ZFHX3: variants seen among roughly 807,000 people sequenced by gnomAD.
ZFHX3 encodes zinc finger homeobox 3.
In ZFHX3, 42 loss-of-function variants were observed where a neutral mutation model predicts 279.1. That is an observed-to-expected ratio of 0.15 (90% confidence interval 0.12 to 0.19). ZFHX3 has a LOEUF of 0.19. Ranked by LOEUF, ZFHX3 falls within the 10% of genes least tolerant of loss-of-function variation. The pLI, the probability that ZFHX3 is intolerant of heterozygous loss-of-function variation, is 1.00. For synonymous variants in ZFHX3, 2,293 were observed against 1,957.8 expected, an observed-to-expected ratio of 1.17 and a Z score of -4.52; for missense variants, 4,981 against 4,754.0, an observed-to-expected ratio of 1.05 and a Z score of -1.40.
At chr16:72,866,488 T>G (rs2038027514) in intron 4 of ZFHX3, among the ~76,000 whole-genome samples, 1 of 152,192 alleles carries the variant, frequency 6.6e-6, no homozygotes, top group South Asian at 2.1e-4. Flanking sequence ...ATCATTTCTT[T>G]CATTAGATTA....
At position 72,787,458 on chromosome 16, in the gene ZFHX3, G is replaced by C. The variant is rs2035449467; in HGVS notation, c.10818C>G (p.Ser3606=). 1 of 1,605,528 alleles carries C rather than the reference G, an allele frequency of 6.2e-7. No homozygotes were observed. The highest frequency in any genetic ancestry group is 1.1e-5 in the South Asian group (1 of 90,250). Reference sequence around the variant, plus strand: ...TCCTGGAGGCGTGGGGGGAAGCGGAGGAGGGGGCGGCGGCCGACGGGGGAG... The same window carrying C: ...TCCTGGAGGCGTGGGGGGAAGCGGACGAGGGGGCGGCGGCCGACGGGGGAG... ...SPPPPSAAAP[S]SASPHASRKS... The change falls in exon 10 of 10, where the codon TCC becomes TCG. Residue 3606 remains serine (S), a synonymous_variant. Coordinates refer to ENST00000268489, the MANE Select transcript of ZFHX3 (RefSeq NM_006885.4).
intron 3 of ZFHX3, among the ~76,000 whole-genome samples, chr16:73,365,668 A>C (rs1321027602): frequency 7.2e-5 from 11 of 152,216 alleles, no homozygotes; most frequent in Non-Finnish European, 1.5e-4. Context: ...CCACCTCTAC[A>C]GAAGCTGAGA....
intron 2 of ZFHX3, among the ~76,000 whole-genome samples, chr16:73,471,229 G>A (rs974957542): frequency 2.0e-5 from 3 of 152,122 alleles, no homozygotes; most frequent in African/African-American, 7.2e-5. Context: ...TTGCTCTTGG[G>A]CTGTTTTTAC....
At chr16:73,059,700 C>G (rs1428041449), upstream of ZFHX3, 1 of 152,116 alleles carries the variant, frequency 6.6e-6, no homozygotes, top group Non-Finnish European at 1.5e-5. Flanking sequence ...CTTTAAATTG[C>G]AAATCTGAGA....
chr16:73,701,894 C>T (rs1364019741), intron 1 of ZFHX3, among the ~76,000 whole-genome samples: 1 of 151,592 alleles, frequency 6.6e-6, no homozygotes, highest in East Asian at 1.9e-4. Context: ...CAGAAGAAAT[C>T]TTAAGTATGT....
intron 4 of ZFHX3, among the ~76,000 whole-genome samples, chr16:72,848,924 G>GT (rs1555523651): frequency 9.9e-5 from 15 of 152,226 alleles, no homozygotes; most frequent in Admixed American, 2.0e-4. Flanking sequence ...GGCAGGCAGA[G>GT]CGCCGGGCTG....
At chr16:73,747,676 G>C (rs573135643) in intron 1 of ZFHX3, among the ~76,000 whole-genome samples, 1 of 152,246 alleles carries the variant, frequency 6.6e-6, no homozygotes, top group South Asian at 2.1e-4. Flanking sequence ...TATAGGTATA[G>C]GTAATGTATG....
intron 1 of ZFHX3, among the ~76,000 whole-genome samples, chr16:73,854,663 C>T (rs568623846): frequency 2.0e-4 from 27 of 135,428 alleles, no homozygotes; most frequent in African/African-American, 4.8e-4. Flanking sequence ...AAAAAAAACA[C>T]GGCAAAATAC....
Position 73,604,472 on chromosome 16 carries a change from A to T in ZFHX3, c.-1547+75708T>A, listed in dbSNP as rs145704248. ...TGTTAAAATGTCCCATGGGCCAGGC[A>T]CAGTGACTCACGCCTGTAATCCCAG... On this transcript the variant is annotated intron_variant, in intron 2 of 17. Transcript: ENST00000641206. Among the ~76,000 whole-genome samples, 65 of 152,266 alleles carry T rather than the reference A, an allele frequency of 4.3e-4. 1 individual carries two copies. Among genetic ancestry groups the T allele is most frequent in the African/African-American group, 1.4e-3 (59 of 41,556 alleles).
At chr16:73,593,166 G>A (rs773499782) in intron 2 of ZFHX3, among the ~76,000 whole-genome samples, 26 of 152,048 alleles carry the variant, frequency 1.7e-4, no homozygotes, top group Non-Finnish European at 2.8e-4. Flanking sequence ...AGGCTTCAAT[G>A]GCTTCACCAA....
intron 4 of ZFHX3, among the ~76,000 whole-genome samples, chr16:72,873,547 T>A (rs1262384797): frequency 6.6e-6 from 1 of 152,218 alleles, no homozygotes; most frequent in Non-Finnish European, 1.5e-5. Context: ...AGATTTTCCC[T>A]TTTATTACTC....
At chr16:73,239,572 G>A (rs953466911) in intron 5 of ZFHX3, among the ~76,000 whole-genome samples, 1 of 152,202 alleles carries the variant, frequency 6.6e-6, no homozygotes, top group Non-Finnish European at 1.5e-5. Context: ...CAACACAGGT[G>A]AAAGCTCTTG....
At chr16:73,387,607 T>TC (rs1177581742) in intron 3 of ZFHX3, among the ~76,000 whole-genome samples, 1 of 151,984 alleles carries the variant, frequency 6.6e-6, no homozygotes, top group African/African-American at 2.4e-5. Flanking sequence ...TCAATAATCT[T>TC]CCCCCCATCT....
At chr16:72,935,480 C>A (rs551326553) in intron 3 of ZFHX3, among the ~76,000 whole-genome samples, 1 of 152,162 alleles carries the variant, frequency 6.6e-6, no homozygotes, top group Non-Finnish European at 1.5e-5. Context: ...GTAGCTCACA[C>A]CTGTAATCCC....
At chr16:73,167,468 G>C (rs1315005773) in intron 5 of ZFHX3, among the ~76,000 whole-genome samples, 1 of 152,204 alleles carries the variant, frequency 6.6e-6, no homozygotes, top group Non-Finnish European at 1.5e-5. Flanking sequence ...GAATGTTTAT[G>C]AGTAACCCAA....
intron 2 of ZFHX3, among the ~76,000 whole-genome samples, chr16:73,471,499 C>A (rs925240860): frequency 5.3e-5 from 8 of 152,110 alleles, no homozygotes; most frequent in Non-Finnish European, 1.0e-4. Flanking sequence ...ACCTCCACCT[C>A]CCAGGTTCAA....
At chr16:72,845,105 C>A (rs1470588963) in intron 4 of ZFHX3, among the ~76,000 whole-genome samples, 1 of 152,124 alleles carries the variant, frequency 6.6e-6, no homozygotes, top group Non-Finnish European at 1.5e-5. Context: ...AAGGTGCGGA[C>A]ACCAGAGGCT....
intron 3 of ZFHX3, among the ~76,000 whole-genome samples, chr16:72,943,389 C>T (rs1379755493): frequency 6.6e-5 from 10 of 151,934 alleles, no homozygotes; most frequent in African/African-American, 9.7e-5. Flanking sequence ...CAAAAATTAG[C>T]GGGTGTGGTA....
At chr16:73,274,607 G>A (rs1452587185) in intron 4 of ZFHX3, among the ~76,000 whole-genome samples, 1 of 152,088 alleles carries the variant, frequency 6.6e-6, no homozygotes, top group Non-Finnish European at 1.5e-5. Context: ...ATTCTTTCCT[G>A]ACCTGATACC....
Sources: allele counts gnomAD v4.1 joint callset (sites outside exome capture counted in the v4.1 genomes callset), GRCh38; gene constraint gnomAD v4.1.1; transcripts MANE v1.5; gene names NCBI Gene and HGNC (gene_info 2026-07-23, HGNC 2026-07-21).